Variants in VPS41 observed in about 807,000 individuals in gnomAD.
VPS41 encodes the protein VPS41 subunit of HOPS complex.
Under a neutral mutation model 130.9 loss-of-function variants are expected in VPS41, and 85 were observed. That is an observed-to-expected ratio of 0.65 (90% CI 0.55 to 0.78). The LOEUF is 0.78. Ranked by LOEUF, VPS41 falls within the 30% of genes least tolerant of loss-of-function variation. VPS41 has a pLI of 0.00. For synonymous variants in VPS41, 335 were observed against 332.9 expected, an observed-to-expected ratio of 1.01 and a Z score of -0.07; for missense variants, 874 against 1,018.7, an observed-to-expected ratio of 0.86 and a Z score of 1.93.
At chr7:38,765,520 C>T (rs990219014) in intron 16 of VPS41, 60 bp downstream of exon 16, 1 of 1,109,904 alleles carries the variant, frequency 9.0e-7, no homozygotes, top group Non-Finnish European at 1.3e-6. Context: ...TCTTTGTTTC[C>T]ACTGCAATAT....
chr7:38,828,619 A>ACC (rs2116160964), intron 5 of VPS41, among the ~76,000 whole-genome samples: 1 of 152,262 alleles, frequency 6.6e-6, no homozygotes, highest in South Asian at 2.1e-4. Context: ...ATACTGACTA[A>ACC]CCCATGGTAA....
At chr7:38,812,501 A>T (rs1048800992) in intron 7 of VPS41, among the ~76,000 whole-genome samples, 8 of 152,164 alleles carry the variant, frequency 5.3e-5, no homozygotes, top group Non-Finnish European at 7.4e-5. Flanking sequence ...TCTCTTAGAT[A>T]CAACACCAAT....
chr7:38,745,705 T>C (rs957414671), intron 22 of VPS41, 92 bp from the exon 23 acceptor site: 2 of 935,142 alleles, frequency 2.1e-6, no homozygotes, highest in Non-Finnish European at 3.4e-6. Context: ...TGAAAGAATT[T>C]TTCCACAGCT....
At chr7:38,825,081 C>T (rs982674979) in intron 5 of VPS41, among the ~76,000 whole-genome samples, 1 of 152,150 alleles carries the variant, frequency 6.6e-6, no homozygotes, top group Non-Finnish European at 1.5e-5. Flanking sequence ...TCATAGTAAA[C>T]AGGCACCGAT....
rs78071331 is a variant in VPS41, at chr7:38,774,179, C to A, written c.948G>T (p.Glu316Asp). 3.6e-5 allele frequency: 58 copies of A among 1,610,218 alleles called. No individual in the cohort carries two copies. The African/African-American group carries it at 7.5e-4, about 21-fold the overall frequency. ...IIQPLSETCE[E>D]ISSDALTVRG... ...TGACTGTCAAAGCATCAGAAGAGAT[C>A]TCTTCACAAGTCTCAGAAAGTGGCT... Residue 316 changes from glutamate to aspartate, a missense_variant, in exon 12 of 29, where the codon GAG becomes GAT. Glu to Asp is a conservative substitution (Grantham distance 45). Transcript: ENST00000310301.
In VPS41 at chr7:38,765,120, G is replaced by C. The variant is rs886932330; in HGVS notation, c.1329+460C>G. Among the ~76,000 whole-genome samples, 7 of 152,092 alleles carry C rather than the reference G, an allele frequency of 4.6e-5. No homozygotes were observed. The South Asian group carries it at 1.5e-3, about 32-fold the overall frequency. On this transcript the variant is annotated intron_variant, in intron 16 of 28. Coordinates refer to ENST00000310301, the MANE Select transcript of VPS41 (RefSeq NM_014396.4). Reference sequence around the variant, plus strand: ...TACTTTATTGATTGATTAGGATGTTGTGCACTAAGTTGAAAGATTTAAAAA... The same window carrying C: ...TACTTTATTGATTGATTAGGATGTTCTGCACTAAGTTGAAAGATTTAAAAA...
In VPS41 at chr7:38,758,406, G is replaced by T. The variant is rs556655909; in HGVS notation, c.1498C>A (p.His500Asn). The T allele has an allele frequency of 6.2e-7, 1 of 1,613,378 alleles. No individual in the cohort carries two copies. The highest frequency in any genetic ancestry group is 8.5e-7 in the Non-Finnish European group (1 of 1,179,594). ...NSVIVQAVRD[H>N]LKKDSQNKTL... ...TTGTTCTGACTATCTTTCTTCAAAT[G>T]ATCCCGAACTGCTTGAACTATGACT... is the stretch of plus-strand genomic sequence containing the variant. The change falls in exon 18 of 29, where the codon CAT becomes AAT. Residue 500 changes from histidine (H) to asparagine (N), a missense_variant. Physicochemically the swap from His to Asn is moderately conservative, Grantham distance 68. Coordinates refer to ENST00000310301, the MANE Select transcript of VPS41 (RefSeq NM_014396.4).
At chr7:38,848,181 C>T (rs1785767792) in intron 4 of VPS41, among the ~76,000 whole-genome samples, 1 of 152,218 alleles carries the variant, frequency 6.6e-6, no homozygotes, top group Non-Finnish European at 1.5e-5. Flanking sequence ...AATGTTGCTA[C>T]ATCGAAAAGA....
intron 27 of VPS41, 144 bp downstream of exon 27, chr7:38,728,398 G>T: frequency 1.1e-6 from 1 of 913,658 alleles, no homozygotes; most frequent in Non-Finnish European, 1.8e-6. Flanking sequence ...CCACTGAGCA[G>T]GATGGAAGCC....
intron 25 of VPS41, among the ~76,000 whole-genome samples, chr7:38,729,401 C>A (rs1057241345): frequency 1.3e-5 from 2 of 151,376 alleles, no homozygotes; most frequent in African/African-American, 4.8e-5. Context: ...CAGCATAGTG[C>A]TATGAATGTG....
chr7:38,748,779 A>G lies in VPS41; in HGVS notation c.1927-3166T>C, dbSNP rs182090689. Among the ~76,000 whole-genome samples, 49 of 152,168 alleles carry G rather than the reference A, an allele frequency of 3.2e-4. No homozygotes were observed. The East Asian group carries it at 8.1e-3, about 25-fold the overall frequency. ...TTTCCATTAACTTTTTAAACCTGAAAATGATTCCCCAACATAGTGGAAAAA... is the reference window on the plus strand; with the variant it reads ...TTTCCATTAACTTTTTAAACCTGAAGATGATTCCCCAACATAGTGGAAAAA... On this transcript the variant is annotated intron_variant, in intron 22 of 28. Transcript: ENST00000310301.
At chr7:38,830,929 G>A (rs1326147914) in intron 4 of VPS41, among the ~76,000 whole-genome samples, 1 of 152,188 alleles carries the variant, frequency 6.6e-6, no homozygotes, top group African/African-American at 2.4e-5. Flanking sequence ...AATCAAAACA[G>A]AGAAAAGAGA....
At chr7:38,798,482 G>A (rs989442143) in intron 7 of VPS41, among the ~76,000 whole-genome samples, 5 of 151,984 alleles carry the variant, frequency 3.3e-5, no homozygotes, top group Admixed American at 6.6e-5. Flanking sequence ...TAGTAGAGAC[G>A]GGGTTTCACC....
At chr7:38,843,652 G>A (rs1343586857) in intron 4 of VPS41, among the ~76,000 whole-genome samples, 2 of 151,646 alleles carry the variant, frequency 1.3e-5, no homozygotes, top group African/African-American at 4.8e-5. Context: ...ACTGCAGTCC[G>A]GCCTGGGTGA....
chr7:38,867,570 A>T (rs1038612705), intron 3 of VPS41, among the ~76,000 whole-genome samples: 1 of 151,938 alleles, frequency 6.6e-6, no homozygotes, highest in African/African-American at 2.4e-5. Flanking sequence ...AATAAATAAA[A>T]GAAAGAAAGA....
At chr7:38,867,760 T>G (rs967000786) in intron 3 of VPS41, among the ~76,000 whole-genome samples, 1 of 152,062 alleles carries the variant, frequency 6.6e-6, no homozygotes, top group Admixed American at 6.6e-5. Context: ...TTCAGAACAA[T>G]TTTTAGTGAC....
chr7:38,889,854 T>C (rs1786823397), intron 2 of VPS41, among the ~76,000 whole-genome samples: 1 of 152,070 alleles, frequency 6.6e-6, no homozygotes, highest in Non-Finnish European at 1.5e-5. Context: ...AGCCAAAAAA[T>C]ACAATACCAA....
In VPS41 at chr7:38,749,784, G is replaced by A. The variant is rs115967330; in HGVS notation, c.1926+2392C>T. On this transcript the variant is annotated intron_variant, in intron 22 of 28. Coordinates refer to ENST00000310301, the MANE Select transcript of VPS41 (RefSeq NM_014396.4). ...TTGTCATTCGCAAATTGGTACATAC[G>A]ATAGCTTTTCATGTCACATGTAAAC... Among the ~76,000 whole-genome samples the A allele has an allele frequency of 5.5e-3, 840 of 152,330 alleles. 7 individuals carry two copies. Among genetic ancestry groups the A allele is most frequent in the African/African-American group, 0.018 (763 of 41,584 alleles).
At chr7:38,728,053 C>T (rs763810907) in intron 27 of VPS41, among the ~76,000 whole-genome samples, 6 of 152,116 alleles carry the variant, frequency 3.9e-5, no homozygotes, top group Non-Finnish European at 8.8e-5. Flanking sequence ...CAGAGAAAAA[C>T]ACTAAAGAAA....
Sources: allele counts gnomAD v4.1 joint callset (sites outside exome capture counted in the v4.1 genomes callset), GRCh38; gene constraint gnomAD v4.1.1; transcripts MANE v1.5; gene names NCBI Gene and HGNC (gene_info 2026-07-23, HGNC 2026-07-21).